The following CYP20A1 variants were observed in gnomAD, a reference collection of about 807,000 sequenced individuals.
CYP20A1 encodes cytochrome P450 20A1.
CYP20A1 carries 61 observed loss-of-function variants against 61.4 expected under a neutral mutation model. The ratio of observed to expected loss-of-function variants is 0.99; its 90% CI spans 0.81 to 1.23. CYP20A1 has a LOEUF of 1.23. CYP20A1 is among the 50% of genes most tolerant of loss of function. The pLI is 0.00. For missense variants in CYP20A1, 530 were observed against 542.4 expected (o/e 0.98, Z 0.23); for synonymous variants, 193 against 188.2 (o/e 1.03, Z -0.21).
At chr2:203,278,979 GT>G (rs1243573395) in intron 7 of CYP20A1, among the ~76,000 whole-genome samples, 1 of 151,962 alleles carries the variant, frequency 6.6e-6, no homozygotes, top group Non-Finnish European at 1.5e-5. Context: ...TGTTGTTGTT[GT>G]TTTGAGATGG....
At chr2:203,244,561 A>ATT (rs76683602) in intron 1 of CYP20A1, among the ~76,000 whole-genome samples, 1 of 143,490 alleles carries the variant, frequency 7.0e-6, no homozygotes, top group South Asian at 2.2e-4. Flanking sequence ...ATGGACCTTG[A>ATT]TTTTTTTTTT....
intron 11 of CYP20A1, among the ~76,000 whole-genome samples, chr2:203,293,573 A>G (rs568811388): frequency 8.6e-4 from 124 of 143,874 alleles, no homozygotes; most frequent in African/African-American, 3.1e-3. Context: ...CTTTTTTTAA[A>G]TTTATTTTTT....
At chr2:203,289,926 T>C in intron 10 of CYP20A1, 50 bp downstream of exon 10, 8 of 939,002 alleles carry the variant, frequency 8.5e-6, no homozygotes, top group Non-Finnish European at 1.3e-5. Flanking sequence ...TCAACTCTTT[T>C]GGTGTGTGTG....
At chr2:203,247,363 A>G (rs1423890135) in intron 3 of CYP20A1, among the ~76,000 whole-genome samples, 1 of 152,210 alleles carries the variant, frequency 6.6e-6, no homozygotes, top group Admixed American at 6.5e-5. Context: ...ACTATGTGCT[A>G]GGCACTGTGC....
intron 8 of CYP20A1, among the ~76,000 whole-genome samples, chr2:203,283,732 A>T (rs1042414389): frequency 2.0e-5 from 3 of 150,476 alleles, no homozygotes; most frequent in African/African-American, 2.4e-5. Flanking sequence ...TATTTTTAGT[A>T]GAGACAGGGT....
At chr2:203,256,847 C>T (rs2066911509) in intron 4 of CYP20A1, among the ~76,000 whole-genome samples, 1 of 152,108 alleles carries the variant, frequency 6.6e-6, no homozygotes, top group Admixed American at 6.6e-5. Context: ...AATTATTTGA[C>T]TCCTCTCTTA....
intron 11 of CYP20A1, among the ~76,000 whole-genome samples, chr2:203,296,114 A>G (rs147393338): frequency 0.033 from 4,985 of 152,200 alleles, 124 homozygotes; most frequent in Non-Finnish European, 0.047. Context: ...AACTGTTAAA[A>G]GTAGCTGGGC....
At chr2:203,293,049 C>T (rs2068608269) in intron 11 of CYP20A1, among the ~76,000 whole-genome samples, 1 of 151,308 alleles carries the variant, frequency 6.6e-6, no homozygotes, top group Non-Finnish European at 1.5e-5. Flanking sequence ...TGGCGCATGC[C>T]TGTAATGCCA....
At chr2:203,261,699 C>G (rs1038023630) in intron 4 of CYP20A1, among the ~76,000 whole-genome samples, 4 of 150,770 alleles carry the variant, frequency 2.7e-5, no homozygotes, top group African/African-American at 9.7e-5. Context: ...TCCTCTTCCT[C>G]AGGACTCAGA....
At chr2:203,255,973 T>C (rs1481632787) in intron 4 of CYP20A1, among the ~76,000 whole-genome samples, 2 of 152,198 alleles carry the variant, frequency 1.3e-5, no homozygotes, top group Admixed American at 1.3e-4. Flanking sequence ...TATTTTGTTT[T>C]AATTTTTTAA....
rs952353973 is a variant in CYP20A1 at position 203,283,465 on chromosome 2, C to G, written c.851-2147C>G. Among the ~76,000 whole-genome samples, 11 of 151,846 alleles carry G rather than the reference C, an allele frequency of 7.2e-5. No homozygotes were observed. In the South Asian group the frequency reaches 1.9e-3, roughly 26 times the overall value. On this transcript the variant is annotated intron_variant, in intron 8 of 12. Transcript: ENST00000356079. ...ACTCCTGACCTCGTGATCTGCCCGC[C>G]TTGGCCTCCCAAAGTGCTGAGATTA...
At position 203,247,291 on chromosome 2, in the gene CYP20A1, T is replaced by TA. The variant is rs111945830; in HGVS notation, c.289+375dup. ...TAAAAAAAGAATTAATGTTTATAAA[T>TA]AAAAACTGTATATATATATTGTTCT... On this transcript the variant is annotated intron_variant, in intron 3 of 12. Coordinates refer to ENST00000356079, the MANE Select transcript of CYP20A1 (RefSeq NM_177538.3). Among the ~76,000 whole-genome samples, 68 of 152,166 alleles carry TA rather than the reference T, an allele frequency of 4.5e-4. 1 individual carries two copies. The highest frequency in any genetic ancestry group is 3.4e-3 in the Middle Eastern group (1 of 294).
intron 8 of CYP20A1, among the ~76,000 whole-genome samples, chr2:203,284,072 C>T (rs921163222): frequency 1.3e-5 from 2 of 152,144 alleles, no homozygotes; most frequent in African/African-American, 4.8e-5. Flanking sequence ...AAGTTAAGGA[C>T]AGGCAGTCAC....
At chr2:203,289,144 T>C (rs1478933122) in intron 9 of CYP20A1, among the ~76,000 whole-genome samples, 1 of 151,906 alleles carries the variant, frequency 6.6e-6, no homozygotes. Context: ...ATCTGGCAAG[T>C]AAAAAAAATG....
chr2:203,256,666 T>C (rs2066904790), intron 4 of CYP20A1, among the ~76,000 whole-genome samples: 1 of 152,198 alleles, frequency 6.6e-6, no homozygotes, highest in Admixed American at 6.5e-5. Context: ...CCAGTAATTC[T>C]ATTTTTTGTA....
intron 9 of CYP20A1, among the ~76,000 whole-genome samples, chr2:203,289,058 C>A (rs970844450): frequency 6.6e-6 from 1 of 152,138 alleles, no homozygotes; most frequent in Non-Finnish European, 1.5e-5. Context: ...TATACTTCCA[C>A]CAATTGGATA....
At chr2:203,265,874 A>G (rs1447394295) in intron 4 of CYP20A1, among the ~76,000 whole-genome samples, 1 of 152,134 alleles carries the variant, frequency 6.6e-6, no homozygotes, top group Non-Finnish European at 1.5e-5. Flanking sequence ...TATTTTTAGT[A>G]GAGATAGGGC....
In CYP20A1 at chr2:203,278,658, C is replaced by T. The variant is rs576160707; in HGVS notation, c.765C>T (p.Ser255=). Residue 255 remains serine (S), a synonymous_variant, in exon 7 of 13, where the codon TCC becomes TCT. Transcript: ENST00000356079. ...RNFSQHIFID[S]LVQGNLNDQQ... ...TCAGTCAACATATTTTCATTGACTC[C>T]TTAGTACAAGGGAACCTTAATGACC... The T allele has an allele frequency of 4.4e-6, 7 of 1,596,352 alleles. No homozygotes were observed. The highest frequency in any genetic ancestry group is 1.7e-5 in the Admixed American group (1 of 58,276).
At position 203,301,259 on chromosome 2, in the gene CYP20A1, TTTC is replaced by T. The variant is rs2069013149; in HGVS notation, c.*4354_*4356del. Among the ~76,000 whole-genome samples the T allele has an allele frequency of 6.6e-6, 1 of 151,058 alleles. No individual in the cohort carries two copies. The highest frequency in any genetic ancestry group is 1.9e-4 in the East Asian group (1 of 5,182). ...TTTTTCTTTTCTTTCTTTCTTTTCT[TTTC>T]TTTTTTTTTTTTGAGGCACAGTCTT... is the stretch of plus-strand genomic sequence containing the variant. On this transcript the variant is annotated 3_prime_UTR_variant, in exon 13 of 13. Transcript: ENST00000356079.
Sources: allele counts gnomAD v4.1 joint callset (sites outside exome capture counted in the v4.1 genomes callset), GRCh38; gene constraint gnomAD v4.1.1; transcripts MANE v1.5; gene names NCBI Gene and HGNC (gene_info 2026-07-23, HGNC 2026-07-21).